Variants in DUXB observed in about 807,000 individuals in gnomAD.
DUXB encodes double homeobox B, also known as double homeobox protein B.
In DUXB, 22 loss-of-function variants were observed where a neutral mutation model predicts 8.9. The observed-to-expected ratio is 2.46, with a 90% CI of 1.76 to 3.52. The LOEUF (loss-of-function observed/expected upper bound fraction) is 3.52, where lower values mean the gene tolerates loss of function less well. Among genes scored for constraint, DUXB ranks in the 30% most tolerant of loss-of-function variants. The pLI, the probability that DUXB is intolerant of heterozygous loss-of-function variation, is 0.00. For synonymous variants in DUXB, 84 were observed against 37.6 expected, an observed-to-expected ratio of 2.23 and a Z score of -4.52; for missense variants, 237 against 108.7, an observed-to-expected ratio of 2.18 and a Z score of -5.25.
chr16:75,700,066 A>C lies in DUXB; in HGVS notation c.129T>G (p.Ala43=). 1 of 702,618 alleles carries C rather than the reference A, an allele frequency of 1.4e-6. No homozygotes were observed. Among genetic ancestry groups the C allele is most frequent in the Non-Finnish European group, 2.6e-6 (1 of 384,916 alleles). 43.5% of individuals were successfully genotyped at this position (702,618 alleles called of 1,614,324 possible). Residue 43 remains alanine (A), a synonymous_variant, in exon 2 of 5, where the codon GCT becomes GCG. Transcript: ENST00000633875. ...WFQHDPFPDK[A]AREQLAKEIG... ...TTTCTTTGGCCAGTTGTTCTCTGGCAGCTTTATCAGGGAAAGGGTCATGTT... is the reference window on the plus strand; with the variant it reads ...TTTCTTTGGCCAGTTGTTCTCTGGCCGCTTTATCAGGGAAAGGGTCATGTT...
At chr16:75,700,548 C>T (rs149272106) in intron 1 of DUXB, among the ~76,000 whole-genome samples, 33 of 151,936 alleles carry the variant, frequency 2.2e-4, no homozygotes, top group African/African-American at 6.3e-4. Context: ...GATGGAGTCT[C>T]GATCTGTTGC....
chr16:75,695,895 C>T (rs1427832232), intron 4 of DUXB, 66 bp downstream of exon 4: 2 of 681,630 alleles, frequency 2.9e-6, no homozygotes, highest in African/African-American at 3.6e-5. Context: ...GTAAGTTTTT[C>T]AATAACACCT....
At chr16:75,696,259 G>T (rs757660604) in intron 3 of DUXB, 144 bp from the exon 4 acceptor site, 48 of 614,344 alleles carry the variant, frequency 7.8e-5, no homozygotes, top group Non-Finnish European at 1.2e-4. Flanking sequence ...GGACCAAAAA[G>T]CCCAGAGCTA....
chr16:75,700,203 T>C, intron 1 of DUXB, 34 bp from the exon 2 acceptor site: 1 of 681,296 alleles, frequency 1.5e-6, no homozygotes, highest in Non-Finnish European at 2.6e-6. Context: ...ATAGTGTGAA[T>C]AATATATTTA....
chr16:75,701,449 T>A lies in DUXB; in HGVS notation c.-31A>T, dbSNP rs1959210305. On this transcript the variant is annotated 5_prime_UTR_variant, in exon 1 of 5. Coordinates refer to ENST00000633875, the MANE Select transcript of DUXB (RefSeq NM_001351307.2). ...GCAGAAGACCTGGACTCCACGGAGATCAGCGAGTAACTGAGCAGCTCTCAA... is the reference window on the plus strand; with the variant it reads ...GCAGAAGACCTGGACTCCACGGAGAACAGCGAGTAACTGAGCAGCTCTCAA... The A allele has an allele frequency of 2.5e-6, 1 of 398,554 alleles. No individual in the cohort carries two copies. Among genetic ancestry groups the A allele is most frequent in the African/African-American group, 2.1e-5 (1 of 48,718 alleles). The allele number at this position is 398,554 out of a possible 1,614,324, so 24.7% of individuals were successfully genotyped here.
At chr16:75,698,594 A>G (rs1397762149) in intron 2 of DUXB, 6 of 152,112 alleles carry the variant, frequency 3.9e-5, no homozygotes, top group Admixed American at 3.9e-4. Context: ...GCATGATCCC[A>G]CTACTGGTCA....
Position 75,699,721 on chromosome 16 carries a change from G to A in DUXB, c.180+294C>T, listed in dbSNP as rs543395789. ...CTACAGGCGACTGCCACCACGCCCGGCTAATTTTTTTTTGTATTTTTAGTA... is the reference window on the plus strand; with the variant it reads ...CTACAGGCGACTGCCACCACGCCCGACTAATTTTTTTTTGTATTTTTAGTA... On this transcript the variant is annotated intron_variant, in intron 2 of 4. Transcript: ENST00000633875. 1.4e-4 allele frequency among the ~76,000 whole-genome samples: 21 copies of A among 152,048 alleles called. No homozygotes were observed. The South Asian group carries it at 2.9e-3, about 21-fold the overall frequency.
At position 75,695,969 on chromosome 16, in the gene DUXB, T is replaced by G. The variant is rs1486792155; in HGVS notation, c.433A>C (p.Arg145=). Residue 145 remains arginine, a synonymous_variant, in exon 4 of 5, where the codon AGA becomes CGA. Transcript: ENST00000633875. ...LAEQTGLQES[R]IQMWFQKQRS... ...ACACACATAGAACTTACTTGAATTC[T>G]TGATTCCTGCAGGCCTGTTTGTTCA... 2 of 702,928 alleles carry G rather than the reference T, an allele frequency of 2.8e-6. No individual in the cohort carries two copies. The highest frequency in any genetic ancestry group is 2.7e-5 in the East Asian group (1 of 37,300). 43.5% of individuals were successfully genotyped at this position (702,928 alleles called of 1,614,324 possible).
chr16:75,696,960 G>A lies in DUXB; in HGVS notation c.181-17C>T. Reference sequence around the variant, plus strand: ...AAACCAAACCTAAGTAGGAGAAGAAGATGTGATAGTCATACAACTCAGTGT... The same window carrying A: ...AAACCAAACCTAAGTAGGAGAAGAAAATGTGATAGTCATACAACTCAGTGT... On this transcript the variant is annotated splice_polypyrimidine_tract_variant and intron_variant, in intron 2 of 4. Transcript: ENST00000633875. The A allele has an allele frequency of 1.4e-6, 1 of 700,800 alleles. No homozygotes were observed. Among genetic ancestry groups the A allele is most frequent in the Non-Finnish European group, 2.6e-6 (1 of 384,240 alleles). The allele number at this position is 700,800 out of a possible 1,614,324, so 43.4% of individuals were successfully genotyped here.
chr16:75,697,774 A>G (rs2082620409), intron 2 of DUXB, among the ~76,000 whole-genome samples: 1 of 152,154 alleles, frequency 6.6e-6, no homozygotes, highest in South Asian at 2.1e-4. Flanking sequence ...AGGTGAGTGG[A>G]GGGCCAGTGA....
chr16:75,696,677 C>A (rs532404445), intron 3 of DUXB, among the ~76,000 whole-genome samples, 161 bp downstream of exon 3: 2 of 152,304 alleles, frequency 1.3e-5, no homozygotes, highest in South Asian at 2.1e-4. Flanking sequence ...TTATTTACTT[C>A]TATAACAAAC....
chr16:75,698,134 A>AAAAAAGTATAAAGTATAAAGTG (rs1959194609), intron 2 of DUXB, among the ~76,000 whole-genome samples: 2 of 152,232 alleles, frequency 1.3e-5, no homozygotes, highest in Admixed American at 1.3e-4. Flanking sequence ...GAAACAAGTG[A>AAAAAAGTATAAAGTATAAAGTG]AAAAAGTATA....
rs1257640055 is a variant in DUXB at position 75,693,989 on chromosome 16, C to T, written c.978G>A (p.Arg326=). ...GCAGAGCCTGGCAGATCTCGTCCCA[C>T]CTTTGCAAAATGTTCGATATGTCAA... is the stretch of plus-strand genomic sequence containing the variant. ...GQFDISNILQ[R]WDEICQALLA... The change falls in exon 5 of 5, where the codon AGG becomes AGA. Residue 326 remains arginine (R), a synonymous_variant. Coordinates refer to ENST00000633875, the MANE Select transcript of DUXB (RefSeq NM_001351307.2). 2.5e-6 allele frequency: 1 copy of T among 401,128 alleles called. No homozygotes were observed. The highest frequency in any genetic ancestry group is 4.4e-6 in the Non-Finnish European group (1 of 228,214). The allele number at this position is 401,128 out of a possible 1,614,324, so 24.8% of individuals were successfully genotyped here.
chr16:75,696,437 A>C (rs1385117921), intron 3 of DUXB, among the ~76,000 whole-genome samples: 2 of 152,206 alleles, frequency 1.3e-5, no homozygotes, highest in Non-Finnish European at 2.9e-5. Flanking sequence ...CTGTAGTTCC[A>C]GCTACTTGGG....
At chr16:75,700,392 C>A (rs1959203480) in intron 1 of DUXB, among the ~76,000 whole-genome samples, 1 of 151,980 alleles carries the variant, frequency 6.6e-6, no homozygotes, top group South Asian at 2.1e-4. Context: ...CACCACTGTG[C>A]CTGGCTATTT....
rs1389680440 is a variant in DUXB at position 75,700,076 on chromosome 16, G to A, written c.119C>T (p.Pro40Leu). 1 of 702,714 alleles carries A rather than the reference G, an allele frequency of 1.4e-6. No individual in the cohort carries two copies. The highest frequency in any genetic ancestry group is 1.5e-5 in the South Asian group (1 of 67,508). The allele number at this position is 702,714 out of a possible 1,614,324, so 43.5% of individuals were successfully genotyped here. A position where few individuals can be genotyped will look rare whatever the true frequency, so the allele number is the denominator to read the frequency against. The change falls in exon 2 of 5, where the codon CCT (proline) becomes CTT (leucine). Residue 40 changes from proline (P) to leucine (L), a missense_variant. Pro to Leu is a moderately conservative substitution (Grantham distance 98, BLOSUM62 -3). Transcript: ENST00000633875. ...LQSWFQHDPF[P>L]DKAAREQLAK... is the part of the protein sequence containing the mutation. Reference sequence around the variant, plus strand: ...CAGTTGTTCTCTGGCAGCTTTATCAGGGAAAGGGTCATGTTGAAACCATGA... The same window carrying A: ...CAGTTGTTCTCTGGCAGCTTTATCAAGGAAAGGGTCATGTTGAAACCATGA...
chr16:75,700,114 C>T lies in DUXB; in HGVS notation c.81G>A (p.Lys27=), dbSNP rs1427349231. ...RNRIQYNQSQ[K]DILQSWFQHD... is the part of the protein sequence containing the mutation. Reference sequence around the variant, plus strand: ...GTTGAAACCATGATTGGAGGATATCCTTTTGACTCTGGTTATACTGAATTC... The same window carrying T: ...GTTGAAACCATGATTGGAGGATATCTTTTTGACTCTGGTTATACTGAATTC... Residue 27 remains lysine (K), a synonymous_variant, in exon 2 of 5, where the codon AAG becomes AAA. Transcript: ENST00000633875. The T allele has an allele frequency of 1.4e-6, 1 of 702,608 alleles. No homozygotes were observed. Among genetic ancestry groups the T allele is most frequent in the Non-Finnish European group, 2.6e-6 (1 of 384,910 alleles). 43.5% of individuals were successfully genotyped at this position (702,608 alleles called of 1,614,324 possible).
chr16:75,695,874 C>A, intron 4 of DUXB, 87 bp downstream of exon 4: 1 of 660,942 alleles, frequency 1.5e-6, no homozygotes, highest in Non-Finnish European at 2.7e-6. Flanking sequence ...CTTTGATAAC[C>A]CAAGTCAGCT....
At chr16:75,696,340 T>C (rs960630840) in intron 3 of DUXB, among the ~76,000 whole-genome samples, 2 of 152,144 alleles carry the variant, frequency 1.3e-5, no homozygotes, top group Non-Finnish European at 2.9e-5. Context: ...TCACTTGAGG[T>C]TGGGAGTTCG....
Sources: gnomAD v4.1 joint callset for allele counts (sites outside exome capture counted in the v4.1 genomes callset) on GRCh38, gnomAD v4.1.1 for gene constraint, MANE v1.5 for transcripts, NCBI Gene and HGNC (gene_info 2026-07-23, HGNC 2026-07-21) for gene names.